SHB: variants seen among roughly 807,000 people sequenced by gnomAD.
SHB encodes the protein SH2 domain containing adaptor protein B.
SHB carries 20 observed loss-of-function variants against 52.3 expected under a neutral mutation model. That is an observed-to-expected ratio of 0.38 (90% CI 0.27 to 0.56). The LOEUF is 0.56. Ranked by LOEUF, SHB falls within the 20% of genes least tolerant of loss-of-function variation. SHB has a pLI of 0.71. For missense variants in SHB, 825 were observed against 723.3 expected (o/e 1.14, Z -1.61); for synonymous variants, 397 against 316.5 (o/e 1.25, Z -2.70).
chr9:38,006,209 T>G (rs1821073928), intron 2 of SHB, among the ~76,000 whole-genome samples: 1 of 152,036 alleles, frequency 6.6e-6, no homozygotes, highest in East Asian at 1.9e-4. Flanking sequence ...CTACCCTGAC[T>G]CCACAGCACC....
intron 1 of SHB, among the ~76,000 whole-genome samples, chr9:38,032,220 A>C (rs996955390): frequency 6.6e-6 from 1 of 152,212 alleles, no homozygotes; most frequent in African/African-American, 2.4e-5. Context: ...GCTTTCACGT[A>C]CATCATCGTA....
intron 2 of SHB, among the ~76,000 whole-genome samples, chr9:37,996,303 C>G (rs930343684): frequency 6.6e-6 from 1 of 152,216 alleles, no homozygotes; most frequent in Non-Finnish European, 1.5e-5. Context: ...TGTTTCTCGC[C>G]TGGATCATAA....
Position 38,020,950 on chromosome 9 carries a change from G to A in SHB, c.718-4819C>T, listed in dbSNP as rs188042926. ...CAAACTCGTTCTAGGAAGATCACCC[G>A]GCTACAGGAAGGGCTGGTGGCACTT... On this transcript the variant is annotated intron_variant, in intron 1 of 5. Coordinates refer to ENST00000377707, the MANE Select transcript of SHB (RefSeq NM_003028.3). Among the ~76,000 whole-genome samples the A allele has an allele frequency of 3.3e-3, 507 of 152,268 alleles. 2 individuals carry two copies. Among genetic ancestry groups the A allele is most frequent in the African/African-American group, 5.5e-3 (230 of 41,538 alleles).
intron 2 of SHB, among the ~76,000 whole-genome samples, chr9:37,979,925 T>C (rs1488821442): frequency 2.6e-5 from 4 of 152,228 alleles, no homozygotes; most frequent in African/African-American, 9.6e-5. Context: ...CTTAAAAAAA[T>C]GTAGAACCTT....
At chr9:37,999,205 C>A (rs968481050) in intron 2 of SHB, among the ~76,000 whole-genome samples, 1 of 150,630 alleles carries the variant, frequency 6.6e-6, no homozygotes, top group Admixed American at 6.6e-5. Context: ...AGGAAAGTAA[C>A]ATGATCTAGC....
intron 1 of SHB, among the ~76,000 whole-genome samples, chr9:38,036,032 G>T (rs1306027092): frequency 1.3e-5 from 2 of 152,166 alleles, no homozygotes; most frequent in Non-Finnish European, 1.5e-5. Context: ...GAGGGGAAGT[G>T]ACTCGCTCAA....
chr9:38,003,338 A>T (rs1405851451), intron 2 of SHB, among the ~76,000 whole-genome samples: 1 of 151,674 alleles, frequency 6.6e-6, no homozygotes, highest in Non-Finnish European at 1.5e-5. Context: ...CCACCCTTGA[A>T]CCCTGGGGCT....
chr9:37,978,849 A>G (rs1820687657), intron 2 of SHB, among the ~76,000 whole-genome samples: 1 of 152,268 alleles, frequency 6.6e-6, no homozygotes, highest in South Asian at 2.1e-4. Context: ...TAAAGACACT[A>G]GAGCAGAAAA....
intron 2 of SHB, among the ~76,000 whole-genome samples, chr9:37,978,167 A>G (rs1326630770): frequency 6.6e-6 from 1 of 152,260 alleles, no homozygotes; most frequent in Non-Finnish European, 1.5e-5. Context: ...TATGCATTAG[A>G]GACAGATATT....
chr9:37,923,421 C>T (rs1215074751), intron 5 of SHB, among the ~76,000 whole-genome samples: 1 of 152,190 alleles, frequency 6.6e-6, no homozygotes, highest in Admixed American at 6.5e-5. Flanking sequence ...TGGAGCCCCC[C>T]AGCCTGAGAG....
chr9:37,986,160 G>A (rs190559778), intron 2 of SHB, among the ~76,000 whole-genome samples: 34 of 152,314 alleles, frequency 2.2e-4, no homozygotes, highest in Non-Finnish European at 4.4e-4. Context: ...GACACCTTGA[G>A]GGCCAGGGAT....
chr9:38,058,520 G>A (rs1821849096), intron 1 of SHB, among the ~76,000 whole-genome samples: 1 of 152,214 alleles, frequency 6.6e-6, no homozygotes, highest in Non-Finnish European at 1.5e-5. Flanking sequence ...TGGTCTGCCT[G>A]CTGGTGCCCT....
At chr9:37,970,826 G>GT (rs1296787828) in intron 3 of SHB, among the ~76,000 whole-genome samples, 1 of 151,828 alleles carries the variant, frequency 6.6e-6, no homozygotes, top group Non-Finnish European at 1.5e-5. Flanking sequence ...CTACATCCCT[G>GT]TGACTCCCCC....
chr9:38,003,861 A>C (rs757007857), intron 2 of SHB, among the ~76,000 whole-genome samples: 2 of 152,080 alleles, frequency 1.3e-5, no homozygotes, highest in African/African-American at 4.8e-5. Flanking sequence ...GAGGTCAAGG[A>C]AGGGAGGATG....
At chr9:38,063,801 T>TG (rs1016083946) in intron 1 of SHB, among the ~76,000 whole-genome samples, 91 of 152,112 alleles carry the variant, frequency 6.0e-4, no homozygotes, top group African/African-American at 2.1e-3. Context: ...GGATGTTTTT[T>TG]TTTTTTTTTT....
rs1410689592 is a variant in SHB, at chr9:37,919,638, T to C, written c.*183A>G. The stretch of plus-strand genomic sequence containing the variant: ...TGGTGTGTTGCCGCCCTTCTGTCTT[T>C]ATCCAGGCCTTCTCCAGCCCCCGTA... On this transcript the variant is annotated 3_prime_UTR_variant, in exon 6 of 6. Transcript: ENST00000377707. The C allele has an allele frequency of 1.9e-6, 1 of 533,298 alleles. No homozygotes were observed. Among genetic ancestry groups the C allele is most frequent in the Non-Finnish European group, 3.3e-6 (1 of 299,038 alleles). The allele number at this position is 533,298 out of a possible 1,614,324, so 33.0% of individuals were successfully genotyped here. A position where few individuals can be genotyped will look rare whatever the true frequency, so the allele number is the denominator to read the frequency against.
intron 5 of SHB, among the ~76,000 whole-genome samples, chr9:37,930,373 A>T (rs1422414625): frequency 6.6e-6 from 1 of 151,268 alleles, no homozygotes; most frequent in Non-Finnish European, 1.5e-5. Flanking sequence ...CCAGCAGACT[A>T]GAGTCTGCAG....
At chr9:38,061,986 G>A (rs1197312676) in intron 1 of SHB, among the ~76,000 whole-genome samples, 5 of 152,166 alleles carry the variant, frequency 3.3e-5, no homozygotes, top group Non-Finnish European at 7.3e-5. Context: ...GGAACTCTGA[G>A]GCAGATGGGA....
At chr9:37,980,625 G>T (rs1214394321) in intron 2 of SHB, among the ~76,000 whole-genome samples, 2 of 152,162 alleles carry the variant, frequency 1.3e-5, no homozygotes, top group African/African-American at 4.8e-5. Flanking sequence ...ATGGCTTCTA[G>T]AACAGTAAAT....
Sources: gnomAD v4.1 joint callset for allele counts (sites outside exome capture counted in the v4.1 genomes callset) on GRCh38, gnomAD v4.1.1 for gene constraint, MANE v1.5 for transcripts, NCBI Gene and HGNC (gene_info 2026-07-23, HGNC 2026-07-21) for gene names.